NRG2: variants seen among roughly 807,000 people sequenced by gnomAD.
The protein encoded by NRG2 is neuregulin 2.
A neutral mutation model predicts 73.9 loss-of-function variants in NRG2; 27 were observed. That is an observed-to-expected ratio of 0.37 (90% confidence interval 0.27 to 0.50). The LOEUF (loss-of-function observed/expected upper bound fraction) is 0.50. Ranked by LOEUF, NRG2 falls within the 20% of genes least tolerant of loss-of-function variation. The pLI, the probability that NRG2 is intolerant of heterozygous loss-of-function variation, is 0.96. For missense variants in NRG2, 1,126 were observed against 1,210.1 expected, an observed-to-expected ratio of 0.93 and a Z score of 1.03; for synonymous variants, 532 against 541.0, an observed-to-expected ratio of 0.98 and a Z score of 0.23.
chr5:139,867,789 TGTGTGTGTATGA>T (rs1280843581), intron 4 of NRG2, among the ~76,000 whole-genome samples: 2,044 of 137,468 alleles, frequency 0.015, 47 homozygotes, highest in African/African-American at 0.06. Context: ...TGTGTGTGTG[TGTGTGTGTATGA>T]GTGTGTGTGT....
At chr5:139,948,074 C>T (rs1753925586) in intron 1 of NRG2, among the ~76,000 whole-genome samples, 1 of 152,160 alleles carries the variant, frequency 6.6e-6, no homozygotes. Context: ...CCTATTTTCT[C>T]CTCCCCCACC....
chr5:139,846,875 C>A lies in NRG2; in HGVS notation c.*1042G>T, dbSNP rs1488324260. On this transcript the variant is annotated 3_prime_UTR_variant, in exon 10 of 10. Transcript: ENST00000361474. ...TTCAGGACAGGATTCCCATCTGTTT[C>A]TGTTTGGGATTTTTTTTTTTTTTAA... 1.3e-5 allele frequency: 2 copies of A among 150,914 alleles called. No individual in the cohort carries two copies. Among genetic ancestry groups the A allele is most frequent in the Non-Finnish European group, 2.9e-5 (2 of 67,932 alleles). The allele number at this position is 150,914 out of a possible 1,614,324, so 9.3% of individuals were successfully genotyped here.
chr5:140,016,808 G>A (rs1392195793), intron 1 of NRG2, among the ~76,000 whole-genome samples: 3 of 152,208 alleles, frequency 2.0e-5, no homozygotes, highest in East Asian at 1.9e-4. Context: ...GGGACAACAC[G>A]TACAACTGGC....
At chr5:139,918,296 A>G (rs1277910542) in intron 1 of NRG2, among the ~76,000 whole-genome samples, 1 of 152,234 alleles carries the variant, frequency 6.6e-6, no homozygotes, top group Non-Finnish European at 1.5e-5. Context: ...AAGAATTGAG[A>G]TAAAAGGATG....
At chr5:139,948,881 T>C (rs1054659100) in intron 1 of NRG2, among the ~76,000 whole-genome samples, 28 of 151,952 alleles carry the variant, frequency 1.8e-4, no homozygotes, top group African/African-American at 6.0e-4. Context: ...TGATTTCAGA[T>C]TGGACATGAG....
chr5:140,042,926 CCTGCTGCTGCTGCCGCTCTCGCTGCTG>C lies in NRG2; in HGVS notation c.117_143del (p.Ser39_Ser47del). The C allele has an allele frequency of 1.3e-6, 2 of 1,536,356 alleles. No individual in the cohort carries two copies. Among genetic ancestry groups the C allele is most frequent in the Non-Finnish European group, 1.8e-6 (2 of 1,141,356 alleles). ...AGATGCTGCTGTTGTTGCTGCTGCTCCTGCTGCTGCTGCCGCTCTCGCTGCTGCTGCTGCTGCTGCTGCTGCTCCTCT... is the reference window on the plus strand; with the variant it reads ...AGATGCTGCTGTTGTTGCTGCTGCTCCTGCTGCTGCTGCTGCTGCTCCTCT... On this transcript the variant is annotated inframe_deletion, in exon 1 of 10. Coordinates refer to ENST00000361474, the MANE Select transcript of NRG2 (RefSeq NM_004883.3).
chr5:139,898,678 C>T (rs564463151), intron 1 of NRG2, among the ~76,000 whole-genome samples: 1 of 152,292 alleles, frequency 6.6e-6, no homozygotes, highest in South Asian at 2.1e-4. Context: ...GTCCCTTTTC[C>T]CATCCTTTCA....
At chr5:140,012,804 A>G (rs959000735) in intron 1 of NRG2, among the ~76,000 whole-genome samples, 3 of 151,984 alleles carry the variant, frequency 2.0e-5, no homozygotes, top group Non-Finnish European at 2.9e-5. Context: ...TTCATGATCA[A>G]TTTTTATAAT....
chr5:139,932,240 GT>G (rs1752518980), intron 1 of NRG2, among the ~76,000 whole-genome samples: 2 of 148,780 alleles, frequency 1.3e-5, no homozygotes, highest in African/African-American at 2.5e-5. Context: ...GTGTGTGTGT[GT>G]GTGTGTGTGT....
At chr5:139,936,846 G>C (rs1391675313) in intron 1 of NRG2, among the ~76,000 whole-genome samples, 2 of 152,156 alleles carry the variant, frequency 1.3e-5, no homozygotes, top group African/African-American at 4.8e-5. Flanking sequence ...CTGTTGCCCA[G>C]GCTGGAGTGC....
intron 4 of NRG2, among the ~76,000 whole-genome samples, chr5:139,867,143 C>T (rs1185371998): frequency 6.7e-6 from 1 of 148,824 alleles, no homozygotes; most frequent in Non-Finnish European, 1.5e-5. Flanking sequence ...CTTAGGCTTA[C>T]AGTAAGTGGC....
intron 1 of NRG2, among the ~76,000 whole-genome samples, chr5:139,984,076 T>C (rs1347189753): frequency 1.3e-5 from 2 of 152,162 alleles, no homozygotes; most frequent in Non-Finnish European, 1.5e-5. Context: ...CATCAATGCC[T>C]TGTATTTTAT....
intron 1 of NRG2, among the ~76,000 whole-genome samples, chr5:139,984,682 T>C (rs1301813416): frequency 6.6e-6 from 1 of 152,232 alleles, no homozygotes; most frequent in Non-Finnish European, 1.5e-5. Flanking sequence ...TTCCTTTTTA[T>C]TTCTCACAAC....
At chr5:139,848,746 G>C (rs1165341586) in intron 9 of NRG2, 49 bp from the exon 10 acceptor site, 8 of 1,088,414 alleles carry the variant, frequency 7.4e-6, no homozygotes, top group South Asian at 1.9e-5. Flanking sequence ...GGGCCGGCGC[G>C]GGGGAGGGGG....
intron 1 of NRG2, among the ~76,000 whole-genome samples, chr5:139,914,372 T>C (rs1375985740): frequency 6.6e-6 from 1 of 152,116 alleles, no homozygotes; most frequent in Non-Finnish European, 1.5e-5. Flanking sequence ...TCTCTGTCCC[T>C]ACCACCTCAA....
chr5:139,987,216 C>CAA (rs35519606), intron 1 of NRG2, among the ~76,000 whole-genome samples: 2,871 of 139,676 alleles, frequency 0.021, 45 homozygotes, highest in African/African-American at 0.032. Flanking sequence ...TACTAAAATA[C>CAA]AAAAAAAAAA....
chr5:139,891,221 C>T (rs1764193613), intron 1 of NRG2, among the ~76,000 whole-genome samples: 1 of 152,194 alleles, frequency 6.6e-6, no homozygotes, highest in Non-Finnish European at 1.5e-5. Flanking sequence ...ATGCACTGAG[C>T]CTGTGGCCAC....
At chr5:139,977,037 G>A (rs1756426817) in intron 1 of NRG2, among the ~76,000 whole-genome samples, 1 of 152,154 alleles carries the variant, frequency 6.6e-6, no homozygotes, top group South Asian at 2.1e-4. Flanking sequence ...CAAATGAATG[G>A]ATCGCCCAGT....
At position 139,887,510 on chromosome 5, in the gene NRG2, G is replaced by C. The variant is rs758018029; in HGVS notation, c.702C>G (p.Ala234=). ...TCATCTTCTTCAACTTGGGCCGGGT[G>C]GCTGTGGGTTACAAGGCAGGTAGGT... The part of the protein sequence containing the change: ...EVGKILCTDC[A]TRPKLKKMKS... Residue 234 remains alanine, a splice_region_variant and synonymous_variant, in exon 2 of 10, where the codon GCC becomes GCG. Coordinates refer to ENST00000361474, the MANE Select transcript of NRG2 (RefSeq NM_004883.3). This position sits in a 1 kb window ranked among gnomAD's most constrained non-coding sequence, Gnocchi z 4.5. 1 of 1,613,972 alleles carries C rather than the reference G, an allele frequency of 6.2e-7. No homozygotes were observed. Among genetic ancestry groups the C allele is most frequent in the East Asian group, 2.2e-5 (1 of 44,872 alleles).
Sources: allele counts gnomAD v4.1 joint callset (sites outside exome capture counted in the v4.1 genomes callset), GRCh38; gene constraint gnomAD v4.1.1; non-coding constraint Gnocchi (gnomAD v3.1); transcripts MANE v1.5; gene names NCBI Gene and HGNC (gene_info 2026-07-23, HGNC 2026-07-21).